The following ROBO1 variants were observed in gnomAD, a reference collection of about 807,000 sequenced individuals.
ROBO1 encodes the protein roundabout homolog 1.
A neutral mutation model predicts 195.9 loss-of-function variants in ROBO1; 149 were observed. The observed-to-expected ratio is 0.76, with a 90% confidence interval of 0.67 to 0.87. ROBO1 has a LOEUF of 0.87. ROBO1 is among the 40% of genes least tolerant of loss of function. ROBO1 has a pLI of 0.00. For missense variants in ROBO1, 1,933 were observed against 2,068.3 expected, an observed-to-expected ratio of 0.93 and a Z score of 1.27; for synonymous variants, 816 against 733.2, an observed-to-expected ratio of 1.11 and a Z score of -1.82.
intron 4 of ROBO1, among the ~76,000 whole-genome samples, chr3:78,911,220 T>C (rs1160674102): frequency 6.6e-6 from 1 of 152,016 alleles, no homozygotes; most frequent in Non-Finnish European, 1.5e-5. Context: ...GATAATTGCA[T>C]CCATACTTTG....
rs952542358 is a variant in ROBO1, at chr3:79,052,583, A to G, written c.172+72873T>C. On this transcript the variant is annotated intron_variant, in intron 3 of 30. Transcript: ENST00000464233. ...TAGAAACTTGCTGGTTTTGCAGCTC[A>G]GGGGGAATCACAGAACCTGCCGACA... Among the ~76,000 whole-genome samples, 6 of 152,224 alleles carry G rather than the reference A, an allele frequency of 3.9e-5. No homozygotes were observed. In the East Asian group the frequency reaches 1.2e-3, roughly 30 times the overall value.
chr3:78,809,410 A>T (rs2084655744), intron 4 of ROBO1, among the ~76,000 whole-genome samples: 2 of 152,212 alleles, frequency 1.3e-5, no homozygotes, highest in South Asian at 4.1e-4. Flanking sequence ...AATTAGTTCA[A>T]CCATTGTGGA....
intron 3 of ROBO1, among the ~76,000 whole-genome samples, chr3:79,075,936 A>G (rs1170747287): frequency 6.6e-6 from 1 of 151,728 alleles, no homozygotes; most frequent in Non-Finnish European, 1.5e-5. Context: ...TGTGTGATTT[A>G]TATCTAACAA....
chr3:79,267,398 A>C (rs2030061753), intron 2 of ROBO1, among the ~76,000 whole-genome samples: 1 of 151,514 alleles, frequency 6.6e-6, no homozygotes, highest in Non-Finnish European at 1.5e-5. Flanking sequence ...AAATTCAGTC[A>C]AGGTGATAGT....
chr3:79,724,311 T>G (rs1202047980), intron 1 of ROBO1, among the ~76,000 whole-genome samples: 1 of 152,214 alleles, frequency 6.6e-6, no homozygotes. Flanking sequence ...GAAACTCACT[T>G]TAAGCATATT....
chr3:78,885,938 T>TATATAC (rs1319841027), intron 4 of ROBO1, among the ~76,000 whole-genome samples: 5 of 144,940 alleles, frequency 3.4e-5, no homozygotes, highest in African/African-American at 7.6e-5. Context: ...TATATATATA[T>TATATAC]ATACATACAT....
At chr3:78,867,033 A>C (rs1190256060) in intron 4 of ROBO1, among the ~76,000 whole-genome samples, 1 of 152,222 alleles carries the variant, frequency 6.6e-6, no homozygotes, top group Non-Finnish European at 1.5e-5. Flanking sequence ...TATTTGAAAG[A>C]CTTGGTCTAT....
intron 10 of ROBO1, among the ~76,000 whole-genome samples, chr3:78,670,852 G>T (rs1243380045): frequency 2.6e-5 from 4 of 152,132 alleles, no homozygotes; most frequent in African/African-American, 9.7e-5. Context: ...AGTTCCCTGT[G>T]TCTTTTTATC....
chr3:78,775,776 T>C (rs1245478347), intron 4 of ROBO1, among the ~76,000 whole-genome samples: 1 of 152,238 alleles, frequency 6.6e-6, no homozygotes, highest in Non-Finnish European at 1.5e-5. Flanking sequence ...AGGCTTACTG[T>C]CTGGGAACCA....
chr3:79,161,846 T>TA (rs2080973120), intron 2 of ROBO1, among the ~76,000 whole-genome samples: 1 of 152,054 alleles, frequency 6.6e-6, no homozygotes, highest in South Asian at 2.1e-4. Flanking sequence ...CATGGGCACT[T>TA]ACTGATTTCC....
At chr3:78,843,440 C>T (rs1048093687) in intron 4 of ROBO1, among the ~76,000 whole-genome samples, 4 of 151,926 alleles carry the variant, frequency 2.6e-5, no homozygotes, top group African/African-American at 9.7e-5. Context: ...ATACTTGGCC[C>T]AACTTTCTTG....
chr3:78,620,571 A>G (rs1034906664), intron 26 of ROBO1, among the ~76,000 whole-genome samples: 12 of 152,236 alleles, frequency 7.9e-5, no homozygotes, highest in African/African-American at 2.9e-4. Context: ...ACTTTGATAA[A>G]TCTGTTCAAT....
chr3:79,265,575 A>C (rs1250894922), intron 2 of ROBO1, among the ~76,000 whole-genome samples: 1 of 151,624 alleles, frequency 6.6e-6, no homozygotes, highest in Non-Finnish European at 1.5e-5. Flanking sequence ...GAAAATAATG[A>C]GGGATTATAA....
chr3:78,942,631 C>T (rs150725665), intron 3 of ROBO1, among the ~76,000 whole-genome samples: 7 of 152,258 alleles, frequency 4.6e-5, no homozygotes, highest in South Asian at 2.1e-4. Flanking sequence ...AATAGCCAAA[C>T]GGTACTGACA....
chr3:79,173,953 G>A (rs1270870196), intron 2 of ROBO1, among the ~76,000 whole-genome samples: 1 of 152,160 alleles, frequency 6.6e-6, no homozygotes, highest in Non-Finnish European at 1.5e-5. Context: ...TAGCTACTCT[G>A]GTGGGGACTT....
At chr3:79,691,510 A>C (rs2107082524) in intron 1 of ROBO1, among the ~76,000 whole-genome samples, 1 of 151,730 alleles carries the variant, frequency 6.6e-6, no homozygotes, top group Non-Finnish European at 1.5e-5. Context: ...TCAAGCATTG[A>C]ACAATGCATT....
At chr3:79,516,017 C>T (rs1940928186) in intron 2 of ROBO1, among the ~76,000 whole-genome samples, 2 of 151,930 alleles carry the variant, frequency 1.3e-5, no homozygotes, top group South Asian at 4.2e-4. Flanking sequence ...AGTTTCTGTC[C>T]CACACTTGAC....
chr3:79,026,882 T>C (rs2078211739), intron 3 of ROBO1, among the ~76,000 whole-genome samples: 1 of 152,068 alleles, frequency 6.6e-6, no homozygotes, highest in African/African-American at 2.4e-5. Context: ...ACAAAACTGT[T>C]TAATGCTTTT....
At chr3:79,549,831 C>T (rs979866963) in intron 2 of ROBO1, among the ~76,000 whole-genome samples, 4 of 152,020 alleles carry the variant, frequency 2.6e-5, no homozygotes, top group Admixed American at 1.3e-4. Context: ...CAGTTTGGTG[C>T]AGTGGTTCAC....
Sources: allele counts gnomAD v4.1 joint callset (sites outside exome capture counted in the v4.1 genomes callset), GRCh38; gene constraint gnomAD v4.1.1; transcripts MANE v1.5; gene names NCBI Gene and HGNC (gene_info 2026-07-23, HGNC 2026-07-21).